The following CARHSP1 variants were observed in gnomAD, a reference collection of about 807,000 sequenced individuals.
The protein encoded by CARHSP1 is calcium regulated heat stable protein 1, also known as calcium-regulated heat-stable protein 1.
Under a neutral mutation model 12.5 loss-of-function variants are expected in CARHSP1, and 14 were observed. That is an observed-to-expected ratio of 1.12 (90% CI 0.74 to 1.75). The LOEUF (loss-of-function observed/expected upper bound fraction) is 1.75. Ranked by LOEUF, CARHSP1 falls within the 40% of genes most tolerant of loss-of-function variation. CARHSP1 has a pLI of 0.00. For missense variants in CARHSP1, 343 were observed against 201.6 expected, an observed-to-expected ratio of 1.70 and a Z score of -4.25; for synonymous variants, 161 against 82.0, an observed-to-expected ratio of 1.96 and a Z score of -5.20.
intron 1 of CARHSP1, among the ~76,000 whole-genome samples, chr16:8,865,362 A>G (rs1442463301): frequency 6.6e-6 from 1 of 152,202 alleles, no homozygotes; most frequent in African/African-American, 2.4e-5. Flanking sequence ...TACCCGCTTC[A>G]GCCTCCCAAA....
At position 8,859,317 on chromosome 16, in the gene CARHSP1, C is replaced by T. The variant is rs1340590310; in HGVS notation, c.12G>A (p.Glu4=). Residue 4 remains glutamate, a synonymous_variant, in exon 2 of 4, where the codon GAG becomes GAA. Transcript: ENST00000311052. MSS[E]PPPPPQPPTH... Reference sequence around the variant, plus strand: ...TGGGGGGCTGTGGTGGTGGGGGAGGCTCAGATGACATGGCTGACCTGGAAA... The same window carrying T: ...TGGGGGGCTGTGGTGGTGGGGGAGGTTCAGATGACATGGCTGACCTGGAAA... 2 of 1,601,216 alleles carry T rather than the reference C, an allele frequency of 1.2e-6. No homozygotes were observed. The highest frequency in any genetic ancestry group is 1.7e-6 in the Non-Finnish European group (2 of 1,178,600).
chr16:8,859,073 C>G, intron 2 of CARHSP1, 98 bp downstream of exon 2: 1 of 1,231,178 alleles, frequency 8.1e-7, no homozygotes, highest in Non-Finnish European at 1.1e-6. Context: ...TTTGGCAGTC[C>G]GGGACATAGG....
intron 1 of CARHSP1, among the ~76,000 whole-genome samples, chr16:8,862,609 G>T (rs2061385996): frequency 6.6e-6 from 1 of 152,208 alleles, no homozygotes; most frequent in Non-Finnish European, 1.5e-5. Context: ...GGTGCCTGCA[G>T]GACCCTGAAC....
Position 8,853,291 on chromosome 16 carries a change from A to C in CARHSP1, c.*1873T>G, listed in dbSNP as rs1455305095. On this transcript the variant is annotated 3_prime_UTR_variant, in exon 4 of 4. Coordinates refer to ENST00000311052, the MANE Select transcript of CARHSP1 (RefSeq NM_014316.4). ...TGGCTGTGGAAGTGTGGACTGTACC[A>C]GCAGATGGGCCCTTGGGAAGCCAAC... 6.6e-6 allele frequency: 1 copy of C among 152,066 alleles called. No individual in the cohort carries two copies. The highest frequency in any genetic ancestry group is 2.4e-5 in the African/African-American group (1 of 41,362). 9.4% of individuals were successfully genotyped at this position (152,066 alleles called of 1,614,324 possible). A position where few individuals can be genotyped will look rare whatever the true frequency, so the allele number is the denominator to read the frequency against.
chr16:8,860,256 CT>C, intron 1 of CARHSP1: 1 of 982,802 alleles, frequency 1.0e-6, no homozygotes, highest in Non-Finnish European at 1.2e-6. Context: ...ATTTCCAAGG[CT>C]GCATCCAGCT....
Position 8,855,175 on chromosome 16 carries a change from T to A in CARHSP1, c.433A>T (p.Ile145Phe). The A allele has an allele frequency of 6.3e-7, 1 of 1,599,052 alleles. No individual in the cohort carries two copies. The highest frequency in any genetic ancestry group is 8.5e-7 in the Non-Finnish European group (1 of 1,170,958). Residue 145 changes from isoleucine to phenylalanine, a missense_variant, in exon 4 of 4, where the codon ATC becomes TTC. Ile to Phe is a conservative substitution (Grantham distance 21, BLOSUM62 0). Coordinates refer to ENST00000311052, the MANE Select transcript of CARHSP1 (RefSeq NM_014316.4). ...TKHETWSGHVISS is the reference protein window; with the variant it reads ...TKHETWSGHVFSS The stretch of plus-strand genomic sequence containing the variant: ...GCTTCCACCATCTCCTAGGAGCTGA[T>A]GACATGTCCAGACCAGGTCTCATGC...
In CARHSP1 at chr16:8,855,037, A is replaced by C; in HGVS notation, c.*127T>G. The C allele has an allele frequency of 1.6e-6, 1 of 619,244 alleles. No homozygotes were observed. Among genetic ancestry groups the C allele is most frequent in the Non-Finnish European group, 2.4e-6 (1 of 410,014 alleles). 38.4% of individuals were successfully genotyped at this position (619,244 alleles called of 1,614,324 possible). A position where few individuals can be genotyped will look rare whatever the true frequency, so the allele number is the denominator to read the frequency against. ...CCCCCCATACCCCTTCCTCCAGGAGATACTTGAGAGGGACCATGCCCGGCT... is the reference window on the plus strand; with the variant it reads ...CCCCCCATACCCCTTCCTCCAGGAGCTACTTGAGAGGGACCATGCCCGGCT... On this transcript the variant is annotated 3_prime_UTR_variant, in exon 4 of 4. Transcript: ENST00000311052.
At chr16:8,867,030 C>T (rs571668733) in intron 1 of CARHSP1, among the ~76,000 whole-genome samples, 2 of 152,154 alleles carry the variant, frequency 1.3e-5, no homozygotes, top group African/African-American at 4.8e-5. Flanking sequence ...CATTAGCACC[C>T]CTGGACGGCC....
intron 3 of CARHSP1, chr16:8,858,069 A>C (rs893481739): frequency 1.3e-4 from 54 of 430,004 alleles, no homozygotes; most frequent in East Asian, 2.2e-4. Context: ...AGCACACACA[A>C]AACCTTACAC....
At position 8,865,140 on chromosome 16, in the gene CARHSP1, C is replaced by A. The variant is rs919187250; in HGVS notation, c.-8+3826G>T. Among the ~76,000 whole-genome samples, 29 of 152,142 alleles carry A rather than the reference C, an allele frequency of 1.9e-4. 1 individual carries two copies. The highest frequency in any genetic ancestry group is 7.0e-4 in the African/African-American group (29 of 41,424). On this transcript the variant is annotated intron_variant, in intron 1 of 3. Coordinates refer to ENST00000311052, the MANE Select transcript of CARHSP1 (RefSeq NM_014316.4). Reference sequence around the variant, plus strand: ...TTTTGTTTTTGTGAGACAGAATCTCCCTCTGTTGCCCAGGATGGAGTGCAG... The same window carrying A: ...TTTTGTTTTTGTGAGACAGAATCTCACTCTGTTGCCCAGGATGGAGTGCAG...
Position 8,859,336 on chromosome 16 carries a change from C to T in CARHSP1, c.-7-1G>A. 1 of 1,598,290 alleles carries T rather than the reference C, an allele frequency of 6.3e-7. No individual in the cohort carries two copies. The highest frequency in any genetic ancestry group is 1.1e-5 in the South Asian group (1 of 89,950). On this transcript the variant is annotated splice_acceptor_variant, in intron 1 of 3. Coordinates refer to ENST00000311052, the MANE Select transcript of CARHSP1 (RefSeq NM_014316.4). LOFTEE classifies it low-confidence loss of function (5UTR_SPLICE). ...GGGAGGCTCAGATGACATGGCTGAC[C>T]TGGAAAGAGAAGAGGCTGTCAGGGG...
rs536623303 is a variant in CARHSP1 at position 8,863,273 on chromosome 16, A to G, written c.-7-3938T>C. On this transcript the variant is annotated intron_variant, in intron 1 of 3. Coordinates refer to ENST00000311052, the MANE Select transcript of CARHSP1 (RefSeq NM_014316.4). ...GGTTGTGGGACTACGGCCACGTGCCACCACAACCAGCTCATTTTTTGTAGA... is the reference window on the plus strand; with the variant it reads ...GGTTGTGGGACTACGGCCACGTGCCGCCACAACCAGCTCATTTTTTGTAGA... Among the ~76,000 whole-genome samples, 54 of 147,812 alleles carry G rather than the reference A, an allele frequency of 3.7e-4. 1 individual carries two copies. In the South Asian group the frequency reaches 0.011, roughly 31 times the overall value.
chr16:8,864,272 G>A (rs936803016), intron 1 of CARHSP1, among the ~76,000 whole-genome samples: 2 of 152,120 alleles, frequency 1.3e-5, no homozygotes, highest in South Asian at 4.1e-4. Flanking sequence ...ACTTGTTGCC[G>A]TCTGTATGCA....
At position 8,853,040 on chromosome 16, in the gene CARHSP1, C is replaced by G. The variant is rs1417630239; in HGVS notation, c.*2124G>C. On this transcript the variant is annotated 3_prime_UTR_variant, in exon 4 of 4. Coordinates refer to ENST00000311052, the MANE Select transcript of CARHSP1 (RefSeq NM_014316.4). ...TCAATTTTAGCTCTCGCTCTGTCAC[C>G]AAAACCCTCCGTCCCTCCCAGAGCC... 1 of 152,142 alleles carries G rather than the reference C, an allele frequency of 6.6e-6. No homozygotes were observed. The highest frequency in any genetic ancestry group is 1.9e-4 in the East Asian group (1 of 5,188). The allele number at this position is 152,142 out of a possible 1,614,324, so 9.4% of individuals were successfully genotyped here. A position where few individuals can be genotyped will look rare whatever the true frequency, so the allele number is the denominator to read the frequency against.
At chr16:8,855,919 A>T (rs2061088062) in intron 3 of CARHSP1, among the ~76,000 whole-genome samples, 1 of 152,152 alleles carries the variant, frequency 6.6e-6, no homozygotes, top group South Asian at 2.1e-4. Context: ...TCCCGAGTTC[A>T]AGTGATTCTC....
At chr16:8,860,250 C>G (rs2061309432) in intron 1 of CARHSP1, 1 of 984,026 alleles carries the variant, frequency 1.0e-6, no homozygotes, top group Non-Finnish European at 1.2e-6. Context: ...GGGAGAATTT[C>G]CAAGGCTGCA....
At chr16:8,858,833 CTTTGCAGCCCTGGTGCTGTGCCCAT>C (rs2061243664) in intron 2 of CARHSP1, 1 of 406,270 alleles carries the variant, frequency 2.5e-6, no homozygotes, top group Non-Finnish European at 4.4e-6. Flanking sequence ...TATGTGGGTC[CTTTGCAGCCCTGGTGCTGTGCCCAT>C]TTTGCAGCTG....
intron 1 of CARHSP1, chr16:8,868,710 G>C (rs2061486673): frequency 6.6e-6 from 1 of 152,014 alleles, no homozygotes; most frequent in Non-Finnish European, 1.5e-5. Flanking sequence ...CAGGTGGCCA[G>C]GCGGGAAGTA....
At position 8,861,989 on chromosome 16, in the gene CARHSP1, CTTTTTTTTTTTTT is replaced by C. The variant is rs537614451; in HGVS notation, c.-7-2667_-7-2655del. Reference sequence around the variant, plus strand: ...TTCTCCTGGAGTCAAGCATAGCTGACTTTTTTTTTTTTTTTTTTTTTTTTTTTTAATTTGAGAT... The same window carrying C: ...TTCTCCTGGAGTCAAGCATAGCTGACTTTTTTTTTTTTTTTAATTTGAGAT... On this transcript the variant is annotated intron_variant, in intron 1 of 3. Coordinates refer to ENST00000311052, the MANE Select transcript of CARHSP1 (RefSeq NM_014316.4). Among the ~76,000 whole-genome samples the C allele has an allele frequency of 2.3e-3, 184 of 79,812 alleles. 3 individuals carry two copies. Among genetic ancestry groups the C allele is most frequent in the African/African-American group, 5.9e-3 (147 of 25,014 alleles). 52.4% of individuals were successfully genotyped at this position (79,812 alleles called of 152,430 possible). A position where few individuals can be genotyped will look rare whatever the true frequency, so the allele number is the denominator to read the frequency against.
Sources: gnomAD v4.1 joint callset for allele counts (sites outside exome capture counted in the v4.1 genomes callset) on GRCh38, gnomAD v4.1.1 for gene constraint, MANE v1.5 for transcripts, NCBI Gene and HGNC (gene_info 2026-07-23, HGNC 2026-07-21) for gene names.